RNF157: variants seen among roughly 807,000 people sequenced by gnomAD.
RNF157 encodes E3 ubiquitin ligase RNF157.
A neutral mutation model predicts 88.3 loss-of-function variants in RNF157; 55 were observed. The ratio of observed to expected loss-of-function variants is 0.62; its 90% CI spans 0.50 to 0.78. RNF157 has a LOEUF of 0.78. RNF157 is among the 30% of genes least tolerant of loss of function. The probability of loss-of-function intolerance (pLI) is 0.00; values close to 1 mark genes in which losing one functional copy is unlikely to be tolerated. For synonymous variants in RNF157, 334 were observed against 341.2 expected (o/e 0.98, Z 0.23); for missense variants, 788 against 860.8 (o/e 0.92, Z 1.06).
At chr17:76,237,688 A>C (rs1038820175) in intron 1 of RNF157, among the ~76,000 whole-genome samples, 2 of 152,130 alleles carry the variant, frequency 1.3e-5, no homozygotes, top group African/African-American at 4.8e-5. Context: ...CTGGGTCTCC[A>C]TTTTCTTATC....
At chr17:76,187,719 G>A (rs992874474) in intron 2 of RNF157, among the ~76,000 whole-genome samples, 3 of 152,022 alleles carry the variant, frequency 2.0e-5, no homozygotes, top group South Asian at 2.1e-4. Flanking sequence ...TCAGCTTCTC[G>A]AGTAGCTGGG....
At chr17:76,181,184 C>T (rs1003301562) in intron 2 of RNF157, among the ~76,000 whole-genome samples, 1 of 152,258 alleles carries the variant, frequency 6.6e-6, no homozygotes, top group Non-Finnish European at 1.5e-5. Context: ...CTCTTCTAAT[C>T]CTAGGAGTGT....
At chr17:76,173,840 A>G in intron 2 of RNF157, 50 bp from the exon 3 acceptor site, 2 of 1,471,368 alleles carry the variant, frequency 1.4e-6, no homozygotes, top group Non-Finnish European at 1.9e-6. Context: ...AAAGACCCAC[A>G]GCTGTCCCTC....
intron 2 of RNF157, among the ~76,000 whole-genome samples, chr17:76,198,321 GCC>G: frequency 6.6e-6 from 1 of 152,172 alleles, no homozygotes; most frequent in East Asian, 1.9e-4. Context: ...CTTGGCAAGA[GCC>G]TTGGATCTGA....
chr17:76,169,931 T>C (rs1374159833), intron 3 of RNF157, among the ~76,000 whole-genome samples: 1 of 152,176 alleles, frequency 6.6e-6, no homozygotes, highest in African/African-American at 2.4e-5. Flanking sequence ...TCTTTCCTAT[T>C]ATAGGCATTC....
rs1223784647 is a variant in RNF157, at chr17:76,159,471, C to T, written c.1168G>A (p.Gly390Arg). The T allele has an allele frequency of 1.9e-6, 3 of 1,610,596 alleles. No homozygotes were observed. The highest frequency in any genetic ancestry group is 2.2e-5 in the East Asian group (1 of 44,700). ...AGCATTCCTGAGAGGTGGCCATCTC[C>T]AAGCACGTGAAGTGGAGGAACTGCT... ...SPAVPPLHVL[G>R]DGHLSGMLPS... The change falls in exon 12 of 19, where the codon GGA becomes AGA. Residue 390 changes from glycine to arginine, a missense_variant. Physicochemically the swap from Gly to Arg is moderately radical, Grantham distance 125 (BLOSUM62 -2). Coordinates refer to ENST00000269391, the MANE Select transcript of RNF157 (RefSeq NM_052916.3).
chr17:76,178,423 A>G (rs1395736910), intron 2 of RNF157, among the ~76,000 whole-genome samples: 1 of 152,254 alleles, frequency 6.6e-6, no homozygotes, highest in Non-Finnish European at 1.5e-5. Context: ...CTGACTGCAC[A>G]GTGGCCGGAC....
chr17:76,162,851 G>A (rs1488006988), intron 8 of RNF157: 1 of 406,428 alleles, frequency 2.5e-6, no homozygotes, highest in Non-Finnish European at 4.3e-6. Flanking sequence ...ATACAACAGG[G>A]AACATAAAAT....
chr17:76,179,116 G>A (rs1488388924), intron 2 of RNF157, among the ~76,000 whole-genome samples: 9 of 152,168 alleles, frequency 5.9e-5, no homozygotes, highest in African/African-American at 7.2e-5. Context: ...TATCCTGGCC[G>A]GGCACAGTAG....
intron 2 of RNF157, among the ~76,000 whole-genome samples, chr17:76,199,975 C>T (rs554436124): frequency 1.8e-4 from 28 of 152,284 alleles, no homozygotes; most frequent in East Asian, 9.6e-4. Context: ...CGGTGGCTCA[C>T]GCCTGTAATC....
intron 2 of RNF157, among the ~76,000 whole-genome samples, chr17:76,181,088 G>A (rs2069181248): frequency 6.6e-6 from 1 of 152,156 alleles, no homozygotes. Context: ...CTAATGAGCA[G>A]CAGAACCACA....
intron 2 of RNF157, among the ~76,000 whole-genome samples, chr17:76,174,078 A>G (rs1007133893): frequency 4.0e-5 from 6 of 150,910 alleles, no homozygotes; most frequent in African/African-American, 1.5e-4. Flanking sequence ...ATTAATAATA[A>G]AAAAAAAAAC....
chr17:76,172,591 G>T (rs1165032079), intron 3 of RNF157, among the ~76,000 whole-genome samples: 3 of 79,876 alleles, frequency 3.8e-5, no homozygotes, highest in African/African-American at 1.7e-4. Flanking sequence ...TGGGCAACAA[G>T]AGCAAAACTC....
intron 16 of RNF157, 71 bp downstream of exon 16, chr17:76,155,181 G>A: frequency 1.5e-6 from 2 of 1,378,550 alleles, no homozygotes; most frequent in Non-Finnish European, 2.1e-6. Context: ...GGTCCTTACT[G>A]GCATCCCCAG....
In RNF157 at chr17:76,159,577, G is replaced by C. The variant is rs556069527; in HGVS notation, c.1066-4C>G. 1.3e-6 allele frequency: 2 copies of C among 1,579,610 alleles called. No homozygotes were observed. The highest frequency in any genetic ancestry group is 1.7e-6 in the Non-Finnish European group (2 of 1,156,424). ...CTGGTGGAATATTCTCTGAGGACTA[G>C]GGGAATCAGAGACAGGTTGAAAAAT... On this transcript the variant is annotated splice_polypyrimidine_tract_variant and splice_region_variant and intron_variant, in intron 11 of 18. Transcript: ENST00000269391.
At chr17:76,172,923 T>C (rs984533551) in intron 3 of RNF157, among the ~76,000 whole-genome samples, 3 of 151,940 alleles carry the variant, frequency 2.0e-5, no homozygotes, top group Non-Finnish European at 4.4e-5. Flanking sequence ...ACATTGATGA[T>C]GAGGATTAAG....
chr17:76,205,426 C>T (rs1034539553), intron 2 of RNF157, among the ~76,000 whole-genome samples: 14 of 152,054 alleles, frequency 9.2e-5, no homozygotes, highest in Non-Finnish European at 2.1e-4. Flanking sequence ...GCCGCCATGC[C>T]GGGCACATTT....
At chr17:76,178,783 T>C (rs888937910) in intron 2 of RNF157, among the ~76,000 whole-genome samples, 4 of 152,212 alleles carry the variant, frequency 2.6e-5, no homozygotes, top group African/African-American at 9.6e-5. Context: ...AAAACTTCTC[T>C]AAAGTCCCCC....
At chr17:76,182,565 G>A (rs1227968762) in intron 2 of RNF157, among the ~76,000 whole-genome samples, 5 of 149,914 alleles carry the variant, frequency 3.3e-5, no homozygotes, top group Admixed American at 2.7e-4. Context: ...TATTTTTGCT[G>A]TAAAAAAATA....
Sources: allele counts gnomAD v4.1 joint callset (sites outside exome capture counted in the v4.1 genomes callset), GRCh38; gene constraint gnomAD v4.1.1; transcripts MANE v1.5; gene names NCBI Gene and HGNC (gene_info 2026-07-23, HGNC 2026-07-21).